RNASEL: variants seen among roughly 807,000 people sequenced by gnomAD.
RNASEL encodes 2-5A-dependent ribonuclease.
A neutral mutation model predicts 50.9 loss-of-function variants in RNASEL; 36 were observed. The ratio of observed to expected loss-of-function variants is 0.71; its 90% CI spans 0.54 to 0.93. The LOEUF (loss-of-function observed/expected upper bound fraction) is 0.93, where lower values mean the gene tolerates loss of function less well. RNASEL is among the 40% of genes least tolerant of loss of function. The pLI is 0.00. For missense variants in RNASEL, 860 were observed against 894.5 expected (o/e 0.96, Z 0.49); for synonymous variants, 335 against 335.6 (o/e 1.00, Z 0.02).
intron 2 of RNASEL, 35 bp downstream of exon 2, chr1:182,585,292 A>G: frequency 1.2e-6 from 2 of 1,605,362 alleles, no homozygotes; most frequent in Non-Finnish European, 1.7e-6. Flanking sequence ...AAGATCCCAC[A>G]ATTTCTAAGA....
intron 5 of RNASEL, chr1:182,579,093 G>T (rs1661443498): frequency 4.1e-6 from 1 of 244,736 alleles, no homozygotes; most frequent in Non-Finnish European, 6.5e-6. Context: ...AGGGTTGGAG[G>T]GAGAGGGATG....
At chr1:182,577,059 AT>A (rs1257313312) in intron 5 of RNASEL, 10 of 140,818 alleles carry the variant, frequency 7.1e-5, no homozygotes, top group East Asian at 2.1e-4. Flanking sequence ...TTTTTTTTGT[AT>A]TTTTAGTAGA....
Position 182,581,240 on chromosome 1 carries a change from G to C in RNASEL, c.1890C>G (p.Asp630Glu), listed in dbSNP as rs1449769734. 1 of 1,613,966 alleles carries C rather than the reference G, an allele frequency of 6.2e-7. No homozygotes were observed. The highest frequency in any genetic ancestry group is 8.5e-7 in the Non-Finnish European group (1 of 1,180,002). ...PGPSEHSKSF[D>E]KWTTKINECV... Reference sequence around the variant, plus strand: ...TTGTTCATACCTTAGTCGTCCACTTGTCAAAACTTTTGGAATGTTCAGAAG... The same window carrying C: ...TTGTTCATACCTTAGTCGTCCACTTCTCAAAACTTTTGGAATGTTCAGAAG... The change falls in exon 5 of 7, where the codon GAC (aspartate) becomes GAG (glutamate). Residue 630 changes from aspartate (D) to glutamate (E), a missense_variant. Transcript: ENST00000367559.
In RNASEL at chr1:182,575,192, A is replaced by G; in HGVS notation, c.*200T>C. The G allele has an allele frequency of 1.7e-6, 1 of 596,668 alleles. No homozygotes were observed. The allele number at this position is 596,668 out of a possible 1,614,324, so 37.0% of individuals were successfully genotyped here. ...AGAATGTCCTCCCAGTTAGTGGGTA[A>G]AGCTTATGGACTAGTGTAGTCTGGG... On this transcript the variant is annotated 3_prime_UTR_variant, in exon 7 of 7. Transcript: ENST00000367559.
intron 5 of RNASEL, chr1:182,578,922 T>C (rs1375760472): frequency 6.6e-6 from 1 of 152,240 alleles, no homozygotes; most frequent in African/African-American, 2.4e-5. Flanking sequence ...TCATGTCTTT[T>C]GTGGCCACAT....
chr1:182,586,874 A>T lies in RNASEL; in HGVS notation c.-68T>A. On this transcript the variant is annotated 5_prime_UTR_variant, in exon 2 of 7. Transcript: ENST00000367559. ...AGAAAATGCAAATTTATCTCCTAGC[A>T]CTTAATCAAAGAAGCTTTGAGTGTA... 3.8e-6 allele frequency: 6 copies of T among 1,599,572 alleles called. 1 individual carries two copies. The highest frequency in any genetic ancestry group is 3.3e-5 in the South Asian group (3 of 90,608).
chr1:182,574,797 A>G lies in RNASEL; in HGVS notation c.*595T>C, dbSNP rs1438343116. ...GTTGGTTCTGGAAGGAGTGGAATTCATGCATCCAGTGCCCAGACTTATACT... is the reference window on the plus strand; with the variant it reads ...GTTGGTTCTGGAAGGAGTGGAATTCGTGCATCCAGTGCCCAGACTTATACT... On this transcript the variant is annotated 3_prime_UTR_variant, in exon 7 of 7. Coordinates refer to ENST00000367559, the MANE Select transcript of RNASEL (RefSeq NM_021133.4). The G allele has an allele frequency of 8.6e-6, 2 of 232,344 alleles. No homozygotes were observed. The highest frequency in any genetic ancestry group is 4.5e-5 in the African/African-American group (2 of 44,898). 14.4% of individuals were successfully genotyped at this position (232,344 alleles called of 1,614,324 possible). A position where few individuals can be genotyped will look rare whatever the true frequency, so the allele number is the denominator to read the frequency against.
At position 182,576,409 on chromosome 1, in the gene RNASEL, C is replaced by T. The variant is rs1375031158; in HGVS notation, c.1906-20G>A. 1 of 1,531,094 alleles carries T rather than the reference C, an allele frequency of 6.5e-7. No homozygotes were observed. The highest frequency in any genetic ancestry group is 1.7e-5 in the Admixed American group (1 of 58,042). The allele number at this position is 1,531,094 out of a possible 1,614,324, so 94.8% of individuals were successfully genotyped here. ...ATTAATCTAAAAAAACAAAAAATAACACAAAAATGTGGTAGCAACACAAAA... is the reference window on the plus strand; with the variant it reads ...ATTAATCTAAAAAAACAAAAAATAATACAAAAATGTGGTAGCAACACAAAA... On this transcript the variant is annotated intron_variant, in intron 5 of 6. Coordinates refer to ENST00000367559, the MANE Select transcript of RNASEL (RefSeq NM_021133.4).
chr1:182,582,247 C>T lies in RNASEL; in HGVS notation c.1578G>A (p.Arg526=). Reference sequence around the variant, plus strand: ...CCTTCTTTACCACATAGAGGACCAGCCGTCCAAGGTCCTGCACAAAAGCCA... The same window carrying T: ...CCTTCTTTACCACATAGAGGACCAGTCGTCCAAGGTCCTGCACAAAAGCCA... ...EVKRDLEDLG[R]LVLYVVKKGS... The change falls in exon 4 of 7, where the codon CGG becomes CGA. Residue 526 remains arginine, a synonymous_variant. Coordinates refer to ENST00000367559, the MANE Select transcript of RNASEL (RefSeq NM_021133.4). 1 of 1,614,164 alleles carries T rather than the reference C, an allele frequency of 6.2e-7. No individual in the cohort carries two copies. Among genetic ancestry groups the T allele is most frequent in the South Asian group, 1.1e-5 (1 of 91,084 alleles).
At chr1:182,579,686 C>A in intron 5 of RNASEL, 2 of 1,147,616 alleles carry the variant, frequency 1.7e-6, no homozygotes, top group Non-Finnish European at 2.2e-6. Context: ...AAGTTAAAAC[C>A]TGAAGACTAT....
rs559943155 is a variant in RNASEL, at chr1:182,577,376, T to C, written c.1906-987A>G. Reference sequence around the variant, plus strand: ...TCGTTCATTATACTATACAATATTTTTATCCTGTGGCCACCCTTTCAAATT... The same window carrying C: ...TCGTTCATTATACTATACAATATTTCTATCCTGTGGCCACCCTTTCAAATT... On this transcript the variant is annotated intron_variant, in intron 5 of 6. Coordinates refer to ENST00000367559, the MANE Select transcript of RNASEL (RefSeq NM_021133.4). 1.4e-4 allele frequency among the ~76,000 whole-genome samples: 22 copies of C among 152,280 alleles called. No homozygotes were observed. The South Asian group carries it at 4.6e-3, about 32-fold the overall frequency.
rs1661356770 is a variant in RNASEL at position 182,575,233 on chromosome 1, T to C, written c.*159A>G. The C allele has an allele frequency of 9.7e-6, 7 of 721,458 alleles. No individual in the cohort carries two copies. The highest frequency in any genetic ancestry group is 1.6e-5 in the South Asian group (1 of 62,280). 44.7% of individuals were successfully genotyped at this position (721,458 alleles called of 1,614,324 possible). ...GTAGTCTGGGTATATATTGCTTTTG[T>C]TATAGACATATGGAATACACGATGC... On this transcript the variant is annotated 3_prime_UTR_variant, in exon 7 of 7. Coordinates refer to ENST00000367559, the MANE Select transcript of RNASEL (RefSeq NM_021133.4).
chr1:182,580,800 C>T (rs927010121), intron 5 of RNASEL, among the ~76,000 whole-genome samples: 4 of 152,068 alleles, frequency 2.6e-5, no homozygotes, highest in African/African-American at 9.7e-5. Context: ...ATCCTGAGAG[C>T]TGGGCTGTTT....
intron 3 of RNASEL, among the ~76,000 whole-genome samples, chr1:182,582,834 C>T (rs181995487): frequency 1.3e-5 from 2 of 152,226 alleles, no homozygotes; most frequent in African/African-American, 2.4e-5. Flanking sequence ...AGAGTCTCAC[C>T]CACTGGGTTG....
intron 5 of RNASEL, chr1:182,580,134 T>C (rs1185568299): frequency 1.5e-5 from 5 of 344,256 alleles, no homozygotes; most frequent in African/African-American, 1.1e-4. Context: ...GCTATCACTA[T>C]CATAGCTGCT....
intron 1 of RNASEL, among the ~76,000 whole-genome samples, chr1:182,588,082 C>T (rs956972921): frequency 1.3e-5 from 2 of 152,112 alleles, no homozygotes; most frequent in Non-Finnish European, 2.9e-5. Flanking sequence ...TAAGCTATGA[C>T]GTTCAGTAGA....
chr1:182,575,253 C>T lies in RNASEL; in HGVS notation c.*139G>A, dbSNP rs1661357101. ...TTTTGTTATAGACATATGGAATACA[C>T]GATGCCAGGGACTGACATATCAGCT... On this transcript the variant is annotated 3_prime_UTR_variant, in exon 7 of 7. Transcript: ENST00000367559. 7 of 811,624 alleles carry T rather than the reference C, an allele frequency of 8.6e-6. No individual in the cohort carries two copies. Among genetic ancestry groups the T allele is most frequent in the East Asian group, 4.9e-5 (2 of 41,166 alleles). The allele number at this position is 811,624 out of a possible 1,614,324, so 50.3% of individuals were successfully genotyped here. A position where few individuals can be genotyped will look rare whatever the true frequency, so the allele number is the denominator to read the frequency against.
chr1:182,581,743 G>A (rs767340120), intron 4 of RNASEL, among the ~76,000 whole-genome samples: 3 of 152,028 alleles, frequency 2.0e-5, no homozygotes, highest in Non-Finnish European at 2.9e-5. Context: ...GCCTCCCAAA[G>A]TGCTGGGATT....
chr1:182,579,025 A>C (rs1017404315), intron 5 of RNASEL: 2 of 154,644 alleles, frequency 1.3e-5, no homozygotes, highest in African/African-American at 4.8e-5. Context: ...GAGCTCAATA[A>C]TGTGTACACA....
Sources: gnomAD v4.1 joint callset for allele counts (sites outside exome capture counted in the v4.1 genomes callset) on GRCh38, gnomAD v4.1.1 for gene constraint, MANE v1.5 for transcripts, NCBI Gene and HGNC (gene_info 2026-07-23, HGNC 2026-07-21) for gene names.